AGBL3: variants seen among roughly 807,000 people sequenced by gnomAD.
The protein encoded by AGBL3 is AGBL carboxypeptidase 3.
In AGBL3, 68 loss-of-function variants were observed where a neutral mutation model predicts 94.5. The observed-to-expected ratio is 0.72, with a 90% confidence interval of 0.59 to 0.88. The LOEUF is 0.88. Among genes scored for constraint, AGBL3 ranks in the 40% least tolerant of loss-of-function variants. The probability of loss-of-function intolerance (pLI) is 0.00; values close to 1 mark genes in which losing one functional copy is unlikely to be tolerated. For missense variants in AGBL3, 934 were observed against 1,103.8 expected, an observed-to-expected ratio of 0.85 and a Z score of 2.18; for synonymous variants, 354 against 370.7, an observed-to-expected ratio of 0.95 and a Z score of 0.52.
intron 4 of AGBL3, among the ~76,000 whole-genome samples, chr7:135,015,711 C>T (rs1813693240): frequency 1.3e-5 from 2 of 151,954 alleles, no homozygotes; most frequent in Non-Finnish European, 1.5e-5. Flanking sequence ...TTTCGTGCAA[C>T]TTTTGAAGAT....
At chr7:135,077,046 C>T (rs917868519) in intron 13 of AGBL3, among the ~76,000 whole-genome samples, 5 of 152,218 alleles carry the variant, frequency 3.3e-5, no homozygotes, top group African/African-American at 1.2e-4. Flanking sequence ...TCCTCTACCC[C>T]CACCCGACTC....
At chr7:134,989,494 T>C (rs1447034523) in intron 3 of AGBL3, among the ~76,000 whole-genome samples, 184 bp downstream of exon 3, 1 of 152,222 alleles carries the variant, frequency 6.6e-6, no homozygotes, top group Non-Finnish European at 1.5e-5. Flanking sequence ...AAGCCTATTT[T>C]ATATTAGAAA....
intron 5 of AGBL3, among the ~76,000 whole-genome samples, chr7:135,031,109 A>G (rs1815693060): frequency 1.3e-5 from 2 of 151,842 alleles, no homozygotes; most frequent in African/African-American, 4.8e-5. Flanking sequence ...TTCTCTGTTA[A>G]TTCCAACATT....
At chr7:135,096,558 A>AAGAAAGAAAGAT (rs1303741491) in intron 15 of AGBL3, among the ~76,000 whole-genome samples, 1 of 79,730 alleles carries the variant, frequency 1.3e-5, no homozygotes, top group African/African-American at 4.6e-5. Flanking sequence ...GAAAGAAAGA[A>AAGAAAGAAAGAT]AGATAGATAG....
intron 15 of AGBL3, among the ~76,000 whole-genome samples, chr7:135,090,890 T>C (rs570660088): frequency 2.5e-4 from 38 of 152,096 alleles, no homozygotes; most frequent in Non-Finnish European, 5.3e-4. Context: ...AGGGGAGCTA[T>C]AGCTACTCAC....
intron 15 of AGBL3, among the ~76,000 whole-genome samples, chr7:135,089,887 A>T (rs1435362992): frequency 6.6e-6 from 1 of 152,108 alleles, no homozygotes; most frequent in Admixed American, 6.5e-5. Flanking sequence ...GACTCATGAA[A>T]CTATTGTGGT....
chr7:135,124,304 G>A (rs572103311), intron 16 of AGBL3, among the ~76,000 whole-genome samples: 3 of 152,014 alleles, frequency 2.0e-5, no homozygotes, highest in Non-Finnish European at 4.4e-5. Context: ...ACAAAGAAGG[G>A]TATTACATAA....
At chr7:135,130,601 T>C (rs1828603574) in intron 16 of AGBL3, among the ~76,000 whole-genome samples, 1 of 151,802 alleles carries the variant, frequency 6.6e-6, no homozygotes, top group Non-Finnish European at 1.5e-5. Context: ...CTTAATAATA[T>C]ATTAATTTAA....
intron 12 of AGBL3, among the ~76,000 whole-genome samples, chr7:135,069,641 A>G (rs1819690091): frequency 6.6e-6 from 1 of 152,244 alleles, no homozygotes; most frequent in Non-Finnish European, 1.5e-5. Flanking sequence ...TACATAAGAA[A>G]TGAAGGCAGA....
chr7:135,053,975 TTATGA>T (rs1818117100), intron 11 of AGBL3, among the ~76,000 whole-genome samples: 2 of 152,174 alleles, frequency 1.3e-5, no homozygotes, highest in Non-Finnish European at 2.9e-5. Context: ...TGAACAACAG[TTATGA>T]TATATTAATT....
rs1413156968 is a variant in AGBL3, at chr7:135,032,965, A to G, written c.540A>G (p.Leu180=). ...AAGCAAGGTTTGAGAGTGGTAATCT[A>G]CAGAAGGTAGTCAAAGTGTAGGTTC... is the stretch of plus-strand genomic sequence containing the variant. ...MFEARFESGN[L]QKVVKVAEYE... The change falls in exon 6 of 17, where the codon CTA becomes CTG. Residue 180 remains leucine, a synonymous_variant. Coordinates refer to ENST00000436302, the MANE Select transcript of AGBL3 (RefSeq NM_178563.4). 1 of 1,549,402 alleles carries G rather than the reference A, an allele frequency of 6.5e-7. No individual in the cohort carries two copies. The highest frequency in any genetic ancestry group is 1.4e-5 in the African/African-American group (1 of 72,834).
intron 15 of AGBL3, among the ~76,000 whole-genome samples, chr7:135,091,675 T>G (rs902617864): frequency 3.3e-5 from 5 of 152,178 alleles, no homozygotes; most frequent in African/African-American, 1.2e-4. Context: ...ATGAAAGACT[T>G]CCAGTGATCC....
chr7:135,131,821 A>C (rs1269866439), intron 16 of AGBL3, among the ~76,000 whole-genome samples: 2 of 152,138 alleles, frequency 1.3e-5, no homozygotes, highest in Non-Finnish European at 2.9e-5. Context: ...AATAAAGAAA[A>C]AAAGACATAA....
chr7:135,113,748 G>A (rs991268247), intron 15 of AGBL3, among the ~76,000 whole-genome samples: 8 of 152,160 alleles, frequency 5.3e-5, no homozygotes, highest in Non-Finnish European at 1.2e-4. Context: ...GCATTGTGGT[G>A]CAATCTCCAG....
chr7:135,091,023 A>T (rs764491982), intron 15 of AGBL3, among the ~76,000 whole-genome samples: 3 of 152,140 alleles, frequency 2.0e-5, no homozygotes, highest in Non-Finnish European at 4.4e-5. Context: ...CTGTGCCTGT[A>T]AGGAATGCAG....
intron 7 of AGBL3, among the ~76,000 whole-genome samples, chr7:135,036,297 G>GA (rs1173613611): frequency 7.3e-5 from 11 of 151,718 alleles, no homozygotes; most frequent in Non-Finnish European, 5.9e-5. Context: ...CTTATTTTTT[G>GA]TTTTGTTATT....
intron 3 of AGBL3, among the ~76,000 whole-genome samples, chr7:134,991,521 G>A (rs1343481303): frequency 1.3e-5 from 2 of 152,064 alleles, no homozygotes; most frequent in Non-Finnish European, 2.9e-5. Context: ...ACCCCACCAT[G>A]TTCTCCCATG....
At chr7:135,050,816 G>A (rs1817807430) in intron 11 of AGBL3, among the ~76,000 whole-genome samples, 1 of 151,984 alleles carries the variant, frequency 6.6e-6, no homozygotes, top group African/African-American at 2.4e-5. Context: ...TCTACAGGGA[G>A]TATCTTGTAG....
At chr7:135,069,738 A>T (rs564885857) in intron 12 of AGBL3, among the ~76,000 whole-genome samples, 146 of 152,334 alleles carry the variant, frequency 9.6e-4, no homozygotes, top group African/African-American at 3.5e-3. Context: ...GTAGAGGGAA[A>T]TTTATAGCAC....
Sources: allele counts gnomAD v4.1 joint callset (sites outside exome capture counted in the v4.1 genomes callset), GRCh38; gene constraint gnomAD v4.1.1; transcripts MANE v1.5; gene names NCBI Gene and HGNC (gene_info 2026-07-23, HGNC 2026-07-21).